Variants in MYLK4 observed in about 807,000 individuals in gnomAD.
MYLK4 encodes caMLCK like.
In MYLK4, 46 loss-of-function variants were observed where a neutral mutation model predicts 48.1. The observed-to-expected ratio is 0.96, with a 90% CI of 0.75 to 1.22. The LOEUF is 1.22. Among genes scored for constraint, MYLK4 ranks in the 50% most tolerant of loss-of-function variants. MYLK4 has a pLI of 0.00. For missense variants in MYLK4, 451 were observed against 486.1 expected, an observed-to-expected ratio of 0.93 and a Z score of 0.68; for synonymous variants, 170 against 180.8, an observed-to-expected ratio of 0.94 and a Z score of 0.48.
At chr6:2,703,665 CTTTTTTTTTTTTTT>C (rs3055234) in intron 2 of MYLK4, among the ~76,000 whole-genome samples, 14,582 of 95,788 alleles carry the variant, frequency 0.15, 1,023 homozygotes, top group Middle Eastern at 0.3. Flanking sequence ...TTTGTGAATT[CTTTTTTTTTTTTTT>C]TTTTTTTTTT....
At chr6:2,704,747 G>A (rs995214322) in intron 2 of MYLK4, among the ~76,000 whole-genome samples, 2 of 152,318 alleles carry the variant, frequency 1.3e-5, no homozygotes, top group Non-Finnish European at 2.9e-5. Flanking sequence ...GCAGGGAGTA[G>A]CTCTTTCCTT....
chr6:2,723,431 A>C (rs1018433799), intron 2 of MYLK4, among the ~76,000 whole-genome samples: 3 of 152,248 alleles, frequency 2.0e-5, no homozygotes, highest in African/African-American at 7.2e-5. Context: ...ATTTGAAACA[A>C]ATTTGCTGAA....
At chr6:2,770,085 G>A in the MYLK4 span, 1 of 1,611,840 alleles carries the variant, frequency 6.2e-7, no homozygotes, top group African/African-American at 1.3e-5. Flanking sequence ...GCTGTTGACT[G>A]GAATCACTTT....
the MYLK4 span, chr6:2,766,055 G>A: frequency 1.6e-4 from 205 of 1,294,476 alleles, no homozygotes; most frequent in Non-Finnish European, 1.2e-4. Context: ...GAGGCCGGCG[G>A]CCGCCGCCGC....
rs546074687 is a variant in MYLK4, at chr6:2,707,537, A to C, written c.160-14678T>G. On this transcript the variant is annotated intron_variant, in intron 2 of 12. Transcript: ENST00000274643. ...ATTTTCTATTCACCCCCACAAAATT[A>C]ATCATACTGGCATGAACTTCTCCTA... is the stretch of plus-strand genomic sequence containing the variant. Among the ~76,000 whole-genome samples the C allele has an allele frequency of 2.0e-5, 3 of 152,304 alleles. No individual in the cohort carries two copies. The East Asian group carries it at 5.8e-4, about 29-fold the overall frequency.
intron 9 of MYLK4, among the ~76,000 whole-genome samples, chr6:2,678,648 A>G (rs1048108434): frequency 2.6e-5 from 4 of 151,772 alleles, no homozygotes; most frequent in Admixed American, 6.6e-5. Flanking sequence ...ACATGCTCAG[A>G]TGGCAAACGC....
chr6:2,764,867 TTC>T, the MYLK4 span, among the ~76,000 whole-genome samples: 236 of 152,306 alleles, frequency 1.5e-3, no homozygotes, highest in Non-Finnish European at 2.6e-3. Flanking sequence ...AGGTGAGCAT[TTC>T]TTTCACTCGC....
the MYLK4 span, among the ~76,000 whole-genome samples, chr6:2,764,926 GT>G: frequency 6.6e-6 from 1 of 152,172 alleles, no homozygotes; most frequent in African/African-American, 2.4e-5. Flanking sequence ...TAGAACACTG[GT>G]TTTCTATTGG....
At chr6:2,707,810 C>CA (rs537273011) in intron 2 of MYLK4, among the ~76,000 whole-genome samples, 2 of 150,738 alleles carry the variant, frequency 1.3e-5, no homozygotes, top group South Asian at 2.1e-4. Context: ...ACTTCAGATG[C>CA]AAAAAAAATC....
At chr6:2,680,500 G>A in intron 7 of MYLK4, 1 of 985,426 alleles carries the variant, frequency 1.0e-6, no homozygotes, top group Non-Finnish European at 1.2e-6. Flanking sequence ...TATCCAGCCT[G>A]TCCTCTGCAC....
At chr6:2,671,128 A>G in intron 12 of MYLK4, 148 bp downstream of exon 12, 3 of 601,502 alleles carry the variant, frequency 5.0e-6, no homozygotes, top group Non-Finnish European at 8.8e-6. Flanking sequence ...GGCAGGGTGC[A>G]AACACAGCAG....
chr6:2,677,110 C>T (rs977849998), intron 10 of MYLK4, among the ~76,000 whole-genome samples: 9 of 152,138 alleles, frequency 5.9e-5, no homozygotes, highest in Admixed American at 5.9e-4. Context: ...TGGCTAGGTT[C>T]TCTTCATCCT....
At chr6:2,764,943 TTTGGG>T in the MYLK4 span, among the ~76,000 whole-genome samples, 1 of 152,196 alleles carries the variant, frequency 6.6e-6, no homozygotes, top group African/African-American at 2.4e-5. Context: ...ATTGGAGGCT[TTTGGG>T]TTTTTTCCCC....
At chr6:2,738,096 G>A (rs1763764371) in intron 2 of MYLK4, among the ~76,000 whole-genome samples, 1 of 151,606 alleles carries the variant, frequency 6.6e-6, no homozygotes, top group Non-Finnish European at 1.5e-5. Flanking sequence ...TCCAGCTGGT[G>A]GTCTTATGTG....
rs984743269 is a variant in MYLK4, at chr6:2,730,082, G to A, written c.159+19054C>T. 5.9e-5 allele frequency among the ~76,000 whole-genome samples: 9 copies of A among 152,356 alleles called. 1 individual carries two copies. The highest frequency in any genetic ancestry group is 2.1e-4 in the South Asian group (1 of 4,832). On this transcript the variant is annotated intron_variant, in intron 2 of 12. Transcript: ENST00000274643. ...GAATGGACAGGTAGCTAAGAACAGC[G>A]TGCTGGGGAAGCGTTCCGCAGGCCA...
chr6:2,746,990 TTC>T (rs1764115470), intron 2 of MYLK4, among the ~76,000 whole-genome samples: 1 of 152,208 alleles, frequency 6.6e-6, no homozygotes, highest in Admixed American at 6.5e-5. Context: ...CACCTATCCA[TTC>T]TCCACGTGGA....
At chr6:2,764,676 ATCATT>A in the MYLK4 span, among the ~76,000 whole-genome samples, 1 of 152,130 alleles carries the variant, frequency 6.6e-6, no homozygotes, top group African/African-American at 2.4e-5. Context: ...GGCGCCTCCC[ATCATT>A]TGGTTGCTAA....
upstream of MYLK4, among the ~76,000 whole-genome samples, chr6:2,752,813 C>G (rs969760870): frequency 1.2e-4 from 19 of 152,088 alleles, no homozygotes; most frequent in African/African-American, 4.6e-4. Flanking sequence ...TCTACTTGCC[C>G]TAAAAAGCAA....
intron 4 of MYLK4, among the ~76,000 whole-genome samples, chr6:2,687,290 C>A (rs1329187070): frequency 6.6e-6 from 1 of 152,218 alleles, no homozygotes. Flanking sequence ...TTGAAGGCAT[C>A]CACGCACATT....
Sources: allele counts gnomAD v4.1 joint callset (sites outside exome capture counted in the v4.1 genomes callset), GRCh38; gene constraint gnomAD v4.1.1; transcripts MANE v1.5; gene names NCBI Gene and HGNC (gene_info 2026-07-23, HGNC 2026-07-21).